NMD3: variants seen among roughly 807,000 people sequenced by gnomAD.
NMD3 encodes NMD3 ribosome export adaptor.
A neutral mutation model predicts 73.1 loss-of-function variants in NMD3; 47 were observed. The observed-to-expected ratio is 0.64, with a 90% CI of 0.51 to 0.82. The LOEUF is 0.82. NMD3 is among the 40% of genes least tolerant of loss of function. NMD3 has a pLI of 0.00. For synonymous variants in NMD3, 210 were observed against 194.5 expected (o/e 1.08, Z -0.66); for missense variants, 554 against 612.5 (o/e 0.90, Z 1.01).
Position 161,246,371 on chromosome 3 carries a change from T to A in NMD3, c.1053T>A (p.Ser351=). ...GGGAAGTCTGGGTACAGAAGACATC[T>A]GAAATGAATACAGATAAACAGTATT... The part of the protein sequence containing the change: ...TLGEVWVQKT[S]EMNTDKQYFC... Residue 351 remains serine (S), a synonymous_variant, in exon 12 of 16, where the codon TCT becomes TCA. Transcript: ENST00000351193. 4 of 1,508,904 alleles carry A rather than the reference T, an allele frequency of 2.7e-6. No individual in the cohort carries two copies. Among genetic ancestry groups the A allele is most frequent in the Non-Finnish European group, 2.7e-6 (3 of 1,107,882 alleles). 93.5% of individuals were successfully genotyped at this position (1,508,904 alleles called of 1,614,324 possible).
At chr3:161,224,528 G>C (rs541558298) in intron 2 of NMD3, among the ~76,000 whole-genome samples, 7 of 152,176 alleles carry the variant, frequency 4.6e-5, no homozygotes, top group South Asian at 2.1e-4. Flanking sequence ...GTCTTGGTCT[G>C]TCACCCAGGC....
chr3:161,225,180 T>A, intron 3 of NMD3, 116 bp downstream of exon 3: 1 of 1,142,344 alleles, frequency 8.8e-7, no homozygotes, highest in Non-Finnish European at 1.2e-6. Context: ...AATTAAGGTT[T>A]AAATTTTCTG....
chr3:161,226,347 G>T (rs774184600), intron 3 of NMD3, among the ~76,000 whole-genome samples: 2 of 151,418 alleles, frequency 1.3e-5, no homozygotes, highest in Non-Finnish European at 2.9e-5. Context: ...CTAGCTACTC[G>T]AGAGGCAGGA....
intron 4 of NMD3, among the ~76,000 whole-genome samples, chr3:161,228,381 G>T (rs1736405859): frequency 6.6e-6 from 1 of 151,158 alleles, no homozygotes; most frequent in Non-Finnish European, 1.5e-5. Context: ...AACCTTTTTG[G>T]TTTTTTTCGC....
intron 4 of NMD3, among the ~76,000 whole-genome samples, chr3:161,230,547 G>A (rs1330356272): frequency 6.6e-6 from 1 of 152,120 alleles, no homozygotes; most frequent in Admixed American, 6.6e-5. Flanking sequence ...TAATTGGCTG[G>A]GGGGTGGCCT....
intron 11 of NMD3, among the ~76,000 whole-genome samples, chr3:161,243,302 G>T (rs1325752457): frequency 1.3e-5 from 2 of 152,170 alleles, no homozygotes; most frequent in African/African-American, 4.8e-5. Context: ...AATAAAAGTT[G>T]TGTGAATGTA....
intron 5 of NMD3, among the ~76,000 whole-genome samples, chr3:161,234,045 C>T (rs1736643869): frequency 2.0e-5 from 3 of 152,028 alleles, no homozygotes; most frequent in Admixed American, 6.6e-5. Flanking sequence ...TTGGAATGTT[C>T]AATCTGTATT....
At chr3:161,246,486 T>C (rs1324753075) in intron 12 of NMD3, 38 bp downstream of exon 12, 1 of 879,010 alleles carries the variant, frequency 1.1e-6, no homozygotes, top group South Asian at 2.1e-5. Context: ...CCAATTAGGA[T>C]TGCAAATTTT....
rs1490573166 is a variant in NMD3, at chr3:161,246,754, G to A, written c.1130+306G>A. On this transcript the variant is annotated intron_variant, in intron 12 of 15. Transcript: ENST00000351193. Reference sequence around the variant, plus strand: ...TTGCAGATTGGGTCTTTTTTATTGTGCAGTTGCTACTGCTCAGATAACTCA... The same window carrying A: ...TTGCAGATTGGGTCTTTTTTATTGTACAGTTGCTACTGCTCAGATAACTCA... Among the ~76,000 whole-genome samples, 3 of 152,034 alleles carry A rather than the reference G, an allele frequency of 2.0e-5. No individual in the cohort carries two copies. The East Asian group carries it at 5.8e-4, about 29-fold the overall frequency.
chr3:161,252,974 A>G (rs1576864609), downstream of NMD3: 3 of 420,930 alleles, frequency 7.1e-6, no homozygotes, highest in East Asian at 4.2e-5. Flanking sequence ...TGGTGCACAC[A>G]TAGTCCCAGC....
At chr3:161,225,423 T>C (rs900640758) in intron 3 of NMD3, among the ~76,000 whole-genome samples, 3 of 152,180 alleles carry the variant, frequency 2.0e-5, no homozygotes, top group Non-Finnish European at 4.4e-5. Flanking sequence ...AGAAGCCATG[T>C]ATGATAAAAA....
Position 161,241,045 on chromosome 3 carries a change from G to T in NMD3, c.754-1G>T, listed in dbSNP as rs747822395. The T allele has an allele frequency of 1.1e-5, 17 of 1,591,056 alleles. No homozygotes were observed. The highest frequency in any genetic ancestry group is 1.4e-5 in the Non-Finnish European group (16 of 1,160,678). On this transcript the variant is annotated splice_acceptor_variant, in intron 9 of 15. Transcript: ENST00000351193. LOFTEE classifies it high-confidence loss of function. ...TTCTAAATGTTAGTTCTTATGCCTA[G>T]GATAATGTTGTCTGTCTGTCTCCAA...
intron 3 of NMD3, among the ~76,000 whole-genome samples, chr3:161,226,849 C>T (rs1736338057): frequency 1.3e-5 from 2 of 152,122 alleles, no homozygotes; most frequent in Admixed American, 1.3e-4. Context: ...TACTAATGTA[C>T]CTTTTTTTTG....
chr3:161,232,136 CTT>C lies in NMD3; in HGVS notation c.277-1243_277-1242del, dbSNP rs11301799. ...TCAGTCTTATTCAGTGCCTTTGGGG[CTT>C]TTTTTTTTTTTTTTTTTTTAACCAC... On this transcript the variant is annotated intron_variant, in intron 4 of 15. Transcript: ENST00000351193. Among the ~76,000 whole-genome samples, 508 of 96,360 alleles carry C rather than the reference CTT, an allele frequency of 5.3e-3. 7 individuals carry two copies. The highest frequency in any genetic ancestry group is 0.051 in the East Asian group (179 of 3,520). The allele number at this position is 96,360 out of a possible 152,430, so 63.2% of individuals were successfully genotyped here.
intron 4 of NMD3, among the ~76,000 whole-genome samples, 198 bp downstream of exon 4, chr3:161,227,541 G>A (rs567971685): frequency 1.4e-4 from 20 of 142,286 alleles, no homozygotes; most frequent in Admixed American, 4.6e-4. Flanking sequence ...TCTGCCTCCC[G>A]GGTTCACACG....
intron 4 of NMD3, among the ~76,000 whole-genome samples, chr3:161,229,052 T>G (rs1470566274): frequency 6.6e-6 from 1 of 152,034 alleles, no homozygotes; most frequent in African/African-American, 2.4e-5. Context: ...AGAAAACAAA[T>G]GTAGAGACCA....
chr3:161,226,252 G>C (rs1736311239), intron 3 of NMD3, among the ~76,000 whole-genome samples: 3 of 151,964 alleles, frequency 2.0e-5, no homozygotes, highest in South Asian at 2.1e-4. Flanking sequence ...TCAGGAGTTC[G>C]AGACCAGACT....
chr3:161,241,044 A>G lies in NMD3; in HGVS notation c.754-2A>G, dbSNP rs1241369376. On this transcript the variant is annotated splice_acceptor_variant, in intron 9 of 15. Coordinates refer to ENST00000351193, the MANE Select transcript of NMD3 (RefSeq NM_015938.5). LOFTEE classifies it high-confidence loss of function. ...ATTCTAAATGTTAGTTCTTATGCCTAGGATAATGTTGTCTGTCTGTCTCCA... is the reference window on the plus strand; with the variant it reads ...ATTCTAAATGTTAGTTCTTATGCCTGGGATAATGTTGTCTGTCTGTCTCCA... The G allele has an allele frequency of 6.3e-7, 1 of 1,585,660 alleles. No individual in the cohort carries two copies. The highest frequency in any genetic ancestry group is 8.7e-7 in the Non-Finnish European group (1 of 1,155,848).
At position 161,227,304 on chromosome 3, in the gene NMD3, T is replaced by C. The variant is rs774536225; in HGVS notation, c.237T>C (p.Leu79=). Residue 79 remains leucine, a synonymous_variant, in exon 4 of 16, where the codon CTT becomes CTC. Coordinates refer to ENST00000351193, the MANE Select transcript of NMD3 (RefSeq NM_015938.5). The part of the protein sequence containing the change: ...IQCALESREL[L]ALCLKKIKAP... ...GTGCTTTAGAATCCAGGGAACTTCT[T>C]GCTTTGTGCTTGAAAAAAATCAAAG... The C allele has an allele frequency of 7.4e-6, 12 of 1,613,304 alleles. No individual in the cohort carries two copies. Among genetic ancestry groups the C allele is most frequent in the Non-Finnish European group, 1.0e-5 (12 of 1,179,566 alleles).
Sources: allele counts gnomAD v4.1 joint callset (sites outside exome capture counted in the v4.1 genomes callset), GRCh38; gene constraint gnomAD v4.1.1; transcripts MANE v1.5; gene names NCBI Gene and HGNC (gene_info 2026-07-23, HGNC 2026-07-21).